The following EPHA1 variants were observed in gnomAD, a reference collection of about 807,000 sequenced individuals.
The protein encoded by EPHA1 is ephrin type-A receptor 1.
EPHA1 carries 92 observed loss-of-function variants against 110.1 expected under a neutral mutation model. That is an observed-to-expected ratio of 0.84 (90% CI 0.71 to 0.99). The LOEUF (loss-of-function observed/expected upper bound fraction) is 0.99. EPHA1 is among the 50% of genes least tolerant of loss of function. The probability of loss-of-function intolerance (pLI) is 0.00; values close to 1 mark genes in which losing one functional copy is unlikely to be tolerated. For missense variants in EPHA1, 1,204 were observed against 1,285.4 expected, an observed-to-expected ratio of 0.94 and a Z score of 0.97; for synonymous variants, 500 against 516.1, an observed-to-expected ratio of 0.97 and a Z score of 0.42.
In EPHA1 at chr7:143,401,988, C is replaced by T. The variant is rs868336815; in HGVS notation, c.151-383G>A. ...AGACAGGGTCTCGTTCTGTCTGCAGCGCAGTGGTATAATCAAAGCTCACTA... is the reference window on the plus strand; with the variant it reads ...AGACAGGGTCTCGTTCTGTCTGCAGTGCAGTGGTATAATCAAAGCTCACTA... On this transcript the variant is annotated intron_variant, in intron 2 of 17. Transcript: ENST00000275815. The surrounding 1 kb of genome is among the most constrained non-coding windows in gnomAD (Gnocchi z 4.1). Among the ~76,000 whole-genome samples, 3 of 152,036 alleles carry T rather than the reference C, an allele frequency of 2.0e-5. No individual in the cohort carries two copies. The highest frequency in any genetic ancestry group is 4.8e-5 in the African/African-American group (2 of 41,374).
Position 143,398,777 on chromosome 7 carries a change from C to T in EPHA1, c.1160G>A (p.Gly387Glu), listed in dbSNP as rs1034352541. ...AQDGGPCQPC[G>E]VGVHFSPGAR... ...CCCCGGCGAGAAGTGCACGCCCACC[C>T]CACAGGGCTGGCAGGGCCCCCCGTC... Residue 387 changes from glycine to glutamate, a missense_variant, in exon 6 of 18, where the codon GGG becomes GAG. Physicochemically the swap from Gly to Glu is moderately conservative, Grantham distance 98. Coordinates refer to ENST00000275815, the MANE Select transcript of EPHA1 (RefSeq NM_005232.5). 4 of 1,613,738 alleles carry T rather than the reference C, an allele frequency of 2.5e-6. No individual in the cohort carries two copies. The African/African-American group carries it at 4.0e-5, about 16-fold the overall frequency.
chr7:143,395,438 A>G lies in EPHA1; in HGVS notation c.1964T>C (p.Ile655Thr). ...LPSQDCKTVA[I>T]KTLKDTSPGG... ...TGGGGATGTGTCTTTTAAGGTCTTA[A>G]TGGCCACAGTCTTGCAGTCCTGGCT... is the stretch of plus-strand genomic sequence containing the variant. The change falls in exon 12 of 18, where the codon ATT becomes ACT. Residue 655 changes from isoleucine to threonine, a missense_variant. Ile to Thr is a moderately conservative substitution (Grantham distance 89). Coordinates refer to ENST00000275815, the MANE Select transcript of EPHA1 (RefSeq NM_005232.5). This position sits in a 1 kb window ranked among gnomAD's most constrained non-coding sequence, Gnocchi z 4.7. The G allele has an allele frequency of 6.2e-7, 1 of 1,614,186 alleles. No individual in the cohort carries two copies. Among genetic ancestry groups the G allele is most frequent in the Non-Finnish European group, 8.5e-7 (1 of 1,180,038 alleles).
intron 16 of EPHA1, among the ~76,000 whole-genome samples, chr7:143,392,149 C>T (rs573595182): frequency 6.6e-6 from 1 of 152,336 alleles, no homozygotes; most frequent in African/African-American, 2.4e-5. Flanking sequence ...GAACAGAGGC[C>T]TGGCACCTGG....
chr7:143,404,214 ATATCT>A (rs937876252), intron 2 of EPHA1, among the ~76,000 whole-genome samples: 5 of 115,482 alleles, frequency 4.3e-5, no homozygotes, highest in South Asian at 7.6e-4. Context: ...ATGGAGAGAT[ATATCT>A]TTTTTTTTTT....
intron 4 of EPHA1, 94 bp downstream of exon 4, chr7:143,399,557 C>T: frequency 3.2e-6 from 5 of 1,573,206 alleles, no homozygotes; most frequent in African/African-American, 1.3e-5. Context: ...AGGTTAAAAA[C>T]CCACTGAGGC....
intron 10 of EPHA1, chr7:143,396,735 C>CCT: frequency 2.0e-6 from 1 of 495,154 alleles, no homozygotes; most frequent in South Asian, 2.4e-5. Flanking sequence ...AGGTCCGGGG[C>CCT]GGTGGCCAGG....
In EPHA1 at chr7:143,397,566, C is replaced by T. The variant is rs142999380; in HGVS notation, c.1707G>A (p.Arg569=). The T allele has an allele frequency of 1.9e-6, 3 of 1,614,068 alleles. No individual in the cohort carries two copies. The highest frequency in any genetic ancestry group is 1.3e-5 in the African/African-American group (1 of 74,988). ...AALLLGILVF[R]SRRAQRQRQQ... ...GAGGGGGCAGGAGCTGGCACCTGGA[C>T]CGGAAAACGAGAATCCCAAGCAGCA... The change falls in exon 9 of 18, where the codon CGG becomes CGA. Residue 569 remains arginine, a synonymous_variant. Coordinates refer to ENST00000275815, the MANE Select transcript of EPHA1 (RefSeq NM_005232.5).
intron 1 of EPHA1, among the ~76,000 whole-genome samples, 172 bp downstream of exon 1, chr7:143,408,552 C>T (rs1412948319): frequency 1.3e-5 from 2 of 151,738 alleles, no homozygotes; most frequent in Non-Finnish European, 2.9e-5. Context: ...GGTTAAAGAC[C>T]AAAGATGGGC....
chr7:143,398,499 C>T, intron 6 of EPHA1, 51 bp from the exon 7 acceptor site: 2 of 1,611,736 alleles, frequency 1.2e-6, no homozygotes, highest in Non-Finnish European at 1.7e-6. Flanking sequence ...AGGAAATAAC[C>T]TTAGTAACTT....
chr7:143,407,790 A>G, intron 1 of EPHA1, 112 bp from the exon 2 acceptor site: 1 of 918,312 alleles, frequency 1.1e-6, no homozygotes, highest in South Asian at 1.6e-5. Context: ...TGTTCCTAAA[A>G]GCTGTGACTT....
In EPHA1 at chr7:143,396,763, A is replaced by G. The variant is rs553804835; in HGVS notation, c.1772-253T>C. ...TGGCCAGGATCCACACCCGCAGAGC[A>G]TATTTGCTGCCTGAGTTGCCCAATC... On this transcript the variant is annotated intron_variant, in intron 10 of 17. Coordinates refer to ENST00000275815, the MANE Select transcript of EPHA1 (RefSeq NM_005232.5). 2.1e-5 allele frequency: 9 copies of G among 425,490 alleles called. No homozygotes were observed. The East Asian group carries it at 3.9e-4, about 18-fold the overall frequency. The allele number at this position is 425,490 out of a possible 1,614,324, so 26.4% of individuals were successfully genotyped here. A position where few individuals can be genotyped will look rare whatever the true frequency, so the allele number is the denominator to read the frequency against.
At position 143,395,631 on chromosome 7, in the gene EPHA1, T is replaced by A; in HGVS notation, c.1898-127A>T. On this transcript the variant is annotated intron_variant, in intron 11 of 17. Transcript: ENST00000275815. This position sits in a 1 kb window ranked among gnomAD's most constrained non-coding sequence, Gnocchi z 4.7. The stretch of plus-strand genomic sequence containing the variant: ...AATCAGAAGCGTGGAGTGCCCTTCC[T>A]GGGACAGGGCGTGGGCTGTCCTTCC... 2 of 1,006,330 alleles carry A rather than the reference T, an allele frequency of 2.0e-6. No individual in the cohort carries two copies. Among genetic ancestry groups the A allele is most frequent in the Non-Finnish European group, 2.9e-6 (2 of 698,374 alleles). The allele number at this position is 1,006,330 out of a possible 1,614,324, so 62.3% of individuals were successfully genotyped here.
At chr7:143,402,083 AT>A (rs997456868) in intron 2 of EPHA1, among the ~76,000 whole-genome samples, 1 of 138,866 alleles carries the variant, frequency 7.2e-6, no homozygotes, top group African/African-American at 2.6e-5. Flanking sequence ...ACACTGGGCT[AT>A]TTTTTCTTTC....
At position 143,391,384 on chromosome 7, in the gene EPHA1, G is replaced by A. The variant is rs979398967; in HGVS notation, c.*73C>T. 8.9e-6 allele frequency: 14 copies of A among 1,566,568 alleles called. No individual in the cohort carries two copies. The highest frequency in any genetic ancestry group is 8.9e-5 in the Admixed American group (5 of 56,198). On this transcript the variant is annotated 3_prime_UTR_variant, in exon 18 of 18. Coordinates refer to ENST00000275815, the MANE Select transcript of EPHA1 (RefSeq NM_005232.5). ...TGGCAGGTTGTGGGAAGGGGCGCAGGGAGTGACCATGAGCGACCTTGGCCC... is the reference window on the plus strand; with the variant it reads ...TGGCAGGTTGTGGGAAGGGGCGCAGAGAGTGACCATGAGCGACCTTGGCCC...
At chr7:143,399,093 C>T in intron 5 of EPHA1, 148 bp from the exon 6 acceptor site, 1 of 1,223,740 alleles carries the variant, frequency 8.2e-7, no homozygotes. Flanking sequence ...TACATCTCTG[C>T]ATTCTTCTAG....
At position 143,395,516 on chromosome 7, in the gene EPHA1, G is replaced by A. The variant is rs764745802; in HGVS notation, c.1898-12C>T. 34 of 1,612,894 alleles carry A rather than the reference G, an allele frequency of 2.1e-5. No individual in the cohort carries two copies. Among genetic ancestry groups the A allele is most frequent in the Admixed American group, 1.0e-4 (6 of 59,980 alleles). On this transcript the variant is annotated splice_polypyrimidine_tract_variant and intron_variant, in intron 11 of 17. Coordinates refer to ENST00000275815, the MANE Select transcript of EPHA1 (RefSeq NM_005232.5). This position sits in a 1 kb window ranked among gnomAD's most constrained non-coding sequence, Gnocchi z 4.7. ...TTCCCCAAACTCTCCTGGGTAGAAA[G>A]AAAACAGGCTGTGGCCCGATGCACT... is the stretch of plus-strand genomic sequence containing the variant.
chr7:143,392,648 G>C (rs1805121929), intron 16 of EPHA1, among the ~76,000 whole-genome samples: 1 of 151,756 alleles, frequency 6.6e-6, no homozygotes, highest in South Asian at 2.1e-4. Flanking sequence ...CAGCTTTTAA[G>C]AATTGGTTCT....
In EPHA1 at chr7:143,393,498, T is replaced by A. The variant is rs145040509; in HGVS notation, c.2696+173A>T. Among the ~76,000 whole-genome samples the A allele has an allele frequency of 2.5e-4, 38 of 152,262 alleles. No individual in the cohort carries two copies. The highest frequency in any genetic ancestry group is 3.4e-3 in the Middle Eastern group (1 of 294). On this transcript the variant is annotated intron_variant, in intron 16 of 17. Coordinates refer to ENST00000275815, the MANE Select transcript of EPHA1 (RefSeq NM_005232.5). This position sits in a 1 kb window ranked among gnomAD's most constrained non-coding sequence, Gnocchi z 5.6. ...AGCCATAACTGATTTTCTGCAAATATGCATAATCTAAAGCTGACCTCTTGG... is the reference window on the plus strand; with the variant it reads ...AGCCATAACTGATTTTCTGCAAATAAGCATAATCTAAAGCTGACCTCTTGG...
At position 143,393,987 on chromosome 7, in the gene EPHA1, G is replaced by A. The variant is rs995703134; in HGVS notation, c.2503-123C>T. Reference sequence around the variant, plus strand: ...AGGATGGGAGGAGGTGGGAGGACCAGGGTGGGACGATCACAGTGGGAGGAT... The same window carrying A: ...AGGATGGGAGGAGGTGGGAGGACCAAGGTGGGACGATCACAGTGGGAGGAT... On this transcript the variant is annotated intron_variant, in intron 15 of 17. Transcript: ENST00000275815. This position sits in a 1 kb window ranked among gnomAD's most constrained non-coding sequence, Gnocchi z 5.6. The A allele has an allele frequency of 1.6e-5, 21 of 1,298,138 alleles. No homozygotes were observed. The highest frequency in any genetic ancestry group is 3.0e-5 in the African/African-American group (2 of 67,268). The allele number at this position is 1,298,138 out of a possible 1,614,324, so 80.4% of individuals were successfully genotyped here.
Sources: gnomAD v4.1 joint callset for allele counts (sites outside exome capture counted in the v4.1 genomes callset) on GRCh38, gnomAD v4.1.1 for gene constraint, Gnocchi (gnomAD v3.1) non-coding constraint, MANE v1.5 for transcripts, NCBI Gene and HGNC (gene_info 2026-07-23, HGNC 2026-07-21) for gene names.